DPH6: variants seen among roughly 807,000 people sequenced by gnomAD.
DPH6 encodes diphthamine biosynthesis 6, also known as diphthine--ammonia ligase.
In DPH6, 33 loss-of-function variants were observed where a neutral mutation model predicts 38.2. The ratio of observed to expected loss-of-function variants is 0.86; its 90% confidence interval spans 0.65 to 1.15. The LOEUF is 1.15. DPH6 is among the 50% of genes most tolerant of loss of function. The pLI, the probability that DPH6 is intolerant of heterozygous loss-of-function variation, is 0.00. For synonymous variants in DPH6, 108 were observed against 103.0 expected (o/e 1.05, Z -0.30); for missense variants, 325 against 320.0 (o/e 1.02, Z -0.12).
At chr15:35,394,680 TA>T (rs1258993142) in intron 6 of DPH6, among the ~76,000 whole-genome samples, 1 of 152,196 alleles carries the variant, frequency 6.6e-6, no homozygotes, top group Non-Finnish European at 1.5e-5. Context: ...TTAGGTTATG[TA>T]AGCGCTTTCT....
intron 3 of DPH6, among the ~76,000 whole-genome samples, chr15:35,259,871 G>C (rs527640773): frequency 4.6e-5 from 7 of 152,194 alleles, no homozygotes; most frequent in Non-Finnish European, 1.0e-4. Flanking sequence ...GAAGCAGAGA[G>C]GGAGTCACTA....
chr15:35,170,648 G>A, the DPH6 span, among the ~76,000 whole-genome samples: 1 of 152,090 alleles, frequency 6.6e-6, no homozygotes, highest in Non-Finnish European at 1.5e-5. Context: ...CATTAAACAT[G>A]GTTTGGAATA....
intron 3 of DPH6, among the ~76,000 whole-genome samples, chr15:35,364,522 T>C (rs547455026): frequency 6.6e-6 from 1 of 152,218 alleles, no homozygotes; most frequent in African/African-American, 2.4e-5. Context: ...ACTGTCATCC[T>C]GGAAATTCCT....
At chr15:35,159,855 T>C in the DPH6 span, among the ~76,000 whole-genome samples, 2 of 152,036 alleles carry the variant, frequency 1.3e-5, no homozygotes, top group South Asian at 2.1e-4. Context: ...ATAAACACCA[T>C]GGAATACCAT....
intron 3 of DPH6, among the ~76,000 whole-genome samples, chr15:35,232,496 A>T (rs547246728): frequency 1.3e-5 from 2 of 152,172 alleles, no homozygotes; most frequent in South Asian, 4.2e-4. Context: ...CAGGAAAATC[A>T]TTTGAACCCG....
intron 3 of DPH6, among the ~76,000 whole-genome samples, chr15:35,473,957 T>TGTGTGTGCGC (rs1480867662): frequency 1.3e-4 from 5 of 38,424 alleles, no homozygotes; most frequent in African/African-American, 1.8e-4. Context: ...TGTGTGTGTG[T>TGTGTGTGCGC]GCGCGCGCGC....
chr15:35,337,265 T>C (rs1238094803), intron 3 of DPH6, among the ~76,000 whole-genome samples: 1 of 152,204 alleles, frequency 6.6e-6, no homozygotes, highest in Non-Finnish European at 1.5e-5. Flanking sequence ...TGATGGTAGT[T>C]TGTATTTCTG....
intron 3 of DPH6, among the ~76,000 whole-genome samples, chr15:35,477,203 T>C (rs2054273372): frequency 6.6e-6 from 1 of 151,858 alleles, no homozygotes; most frequent in Non-Finnish European, 1.5e-5. Context: ...GTACAATTAA[T>C]ACAATAACTA....
chr15:35,296,725 A>C (rs1822322613), intron 3 of DPH6, among the ~76,000 whole-genome samples: 1 of 150,034 alleles, frequency 6.7e-6, no homozygotes, highest in South Asian at 2.1e-4. Flanking sequence ...ATCTTACTAT[A>C]TTTTCCTAGT....
At chr15:35,290,046 A>C (rs983640540) in intron 3 of DPH6, among the ~76,000 whole-genome samples, 4 of 152,252 alleles carry the variant, frequency 2.6e-5, no homozygotes, top group African/African-American at 7.2e-5. Flanking sequence ...AGTTGAAAAG[A>C]AATGTAAGCC....
the DPH6 span, among the ~76,000 whole-genome samples, chr15:35,201,290 A>G: frequency 0.013 from 2,007 of 151,838 alleles, 24 homozygotes; most frequent in Middle Eastern, 0.024. Context: ...TATTTGGTTC[A>G]TAGAAATACT....
chr15:35,372,852 CA>C (rs1040920873), intron 8 of DPH6, among the ~76,000 whole-genome samples: 19 of 151,944 alleles, frequency 1.3e-4, no homozygotes, highest in Non-Finnish European at 2.4e-4. Context: ...ATACAGAAGA[CA>C]TTTTCTAATC....
intron 3 of DPH6, among the ~76,000 whole-genome samples, chr15:35,536,200 T>G (rs1595452223): frequency 1.3e-5 from 2 of 152,102 alleles, no homozygotes; most frequent in South Asian, 2.1e-4. Context: ...ATGTAAGACC[T>G]CCACTGGAAT....
At chr15:35,464,338 C>T (rs1013626999) in intron 3 of DPH6, among the ~76,000 whole-genome samples, 1 of 151,276 alleles carries the variant, frequency 6.6e-6, no homozygotes, top group Non-Finnish European at 1.5e-5. Flanking sequence ...AGTCTATATA[C>T]ATTATAACAG....
At chr15:35,244,576 T>C (rs570139557) in intron 3 of DPH6, among the ~76,000 whole-genome samples, 1 of 152,248 alleles carries the variant, frequency 6.6e-6, no homozygotes, top group African/African-American at 2.4e-5. Flanking sequence ...GGTGAAAAGA[T>C]GAAAAGTTAA....
intron 3 of DPH6, among the ~76,000 whole-genome samples, chr15:35,516,495 T>C (rs1324818919): frequency 6.6e-6 from 1 of 152,122 alleles, no homozygotes; most frequent in African/African-American, 2.4e-5. Flanking sequence ...ATAGAGAAGT[T>C]AACTAAACTA....
intron 3 of DPH6, among the ~76,000 whole-genome samples, chr15:35,353,904 A>C (rs1458959076): frequency 6.6e-6 from 1 of 152,178 alleles, no homozygotes; most frequent in Non-Finnish European, 1.5e-5. Context: ...GATTCTTCCT[A>C]TCCATAAGCA....
chr15:35,469,236 T>C (rs1397759001), intron 3 of DPH6, among the ~76,000 whole-genome samples: 3 of 152,298 alleles, frequency 2.0e-5, no homozygotes, highest in East Asian at 3.9e-4. Flanking sequence ...AACATAAATA[T>C]TGGATTTACT....
At chr15:35,400,930 G>A in intron 6 of DPH6, 4 of 1,048,368 alleles carry the variant, frequency 3.8e-6, no homozygotes, top group Non-Finnish European at 5.9e-6. Context: ...CAAGGTGGAT[G>A]AAGAGTTGTG....
Sources: gnomAD v4.1 joint callset for allele counts (sites outside exome capture counted in the v4.1 genomes callset) on GRCh38, gnomAD v4.1.1 for gene constraint, MANE v1.5 for transcripts, NCBI Gene and HGNC (gene_info 2026-07-23, HGNC 2026-07-21) for gene names.